The following AGMO variants were observed in gnomAD, a reference collection of about 807,000 sequenced individuals.
The protein encoded by AGMO is glyceryl-ether monooxygenase.
A neutral mutation model predicts 60.2 loss-of-function variants in AGMO; 75 were observed. The observed-to-expected ratio is 1.25, with a 90% CI of 1.03 to 1.51. The LOEUF is 1.51. AGMO is among the 40% of genes most tolerant of loss of function. The probability of loss-of-function intolerance (pLI) is 0.00; values close to 1 mark genes in which losing one functional copy is unlikely to be tolerated. For missense variants in AGMO, 763 were observed against 525.5 expected (o/e 1.45, Z -4.42); for synonymous variants, 261 against 177.1 (o/e 1.47, Z -3.76).
chr7:15,164,283 A>T, the AGMO span, among the ~76,000 whole-genome samples: 20 of 152,248 alleles, frequency 1.3e-4, no homozygotes, highest in African/African-American at 4.8e-4. Flanking sequence ...CTGAAACTAT[A>T]AAAATCCTAG....
At chr7:15,504,604 G>A (rs536637541) in intron 3 of AGMO, among the ~76,000 whole-genome samples, 30 of 151,918 alleles carry the variant, frequency 2.0e-4, no homozygotes, top group African/African-American at 7.0e-4. Flanking sequence ...ATGAACTTCC[G>A]GAGGAATTGC....
intron 12 of AGMO, among the ~76,000 whole-genome samples, chr7:15,296,523 C>T (rs1398220791): frequency 6.6e-6 from 1 of 152,098 alleles, no homozygotes; most frequent in Non-Finnish European, 1.5e-5. Flanking sequence ...CAAGAGAAGA[C>T]AGCCACTCTT....
the AGMO span, among the ~76,000 whole-genome samples, chr7:15,131,053 C>CTGTGTG: frequency 4.0e-5 from 6 of 149,768 alleles, no homozygotes; most frequent in African/African-American, 1.5e-4. Flanking sequence ...GCTTGTATTT[C>CTGTGTG]TGTGTGTGTG....
intron 12 of AGMO, among the ~76,000 whole-genome samples, chr7:15,264,944 G>A (rs910319803): frequency 6.6e-6 from 1 of 151,878 alleles, no homozygotes; most frequent in African/African-American, 2.4e-5. Context: ...TATACTCAAA[G>A]GAGAATAATT....
Position 15,418,660 on chromosome 7 carries a change from G to A in AGMO, c.514-7C>T. The A allele has an allele frequency of 5.3e-6, 8 of 1,516,282 alleles. No individual in the cohort carries two copies. The highest frequency in any genetic ancestry group is 2.0e-4 in the Middle Eastern group (1 of 4,914). The allele number at this position is 1,516,282 out of a possible 1,614,324, so 93.9% of individuals were successfully genotyped here. A position where few individuals can be genotyped will look rare whatever the true frequency, so the allele number is the denominator to read the frequency against. ...CCAGGGGAGAGTAGAAAATCTGAAA[G>A]AAAAAATTAAAAAAAAATTAATTTG... On this transcript the variant is annotated splice_polypyrimidine_tract_variant and splice_region_variant and intron_variant, in intron 4 of 12. Coordinates refer to ENST00000342526, the MANE Select transcript of AGMO (RefSeq NM_001004320.2).
In AGMO at chr7:15,359,020, A is replaced by G. The variant is rs532885345; in HGVS notation, c.1263+6494T>C. 2.8e-3 allele frequency among the ~76,000 whole-genome samples: 432 copies of G among 152,216 alleles called. 2 individuals carry two copies. Among genetic ancestry groups the G allele is most frequent in the Admixed American group, 6.5e-3 (99 of 15,296 alleles). Reference sequence around the variant, plus strand: ...TTATTTTCAGATATGGAGTTTTATAAATTAATTAGATTTAATCCCAGCACT... The same window carrying G: ...TTATTTTCAGATATGGAGTTTTATAGATTAATTAGATTTAATCCCAGCACT... On this transcript the variant is annotated intron_variant, in intron 12 of 12. Coordinates refer to ENST00000342526, the MANE Select transcript of AGMO (RefSeq NM_001004320.2).
chr7:15,350,272 C>T (rs35932556), intron 12 of AGMO, among the ~76,000 whole-genome samples: 26,296 of 151,948 alleles, frequency 0.17, 2,306 homozygotes, highest in East Asian at 0.21. Flanking sequence ...TACATTAAAT[C>T]AAATAAAATT....
At chr7:15,247,447 C>CAGAGAG (rs1264804426) in intron 12 of AGMO, among the ~76,000 whole-genome samples, 1 of 136,538 alleles carries the variant, frequency 7.3e-6, no homozygotes, top group African/African-American at 2.9e-5. Flanking sequence ...CACACACACA[C>CAGAGAG]ACACACACAC....
At chr7:15,185,084 T>C in the AGMO span, among the ~76,000 whole-genome samples, 1 of 152,166 alleles carries the variant, frequency 6.6e-6, no homozygotes, top group South Asian at 2.1e-4. Flanking sequence ...TTTCAGAATA[T>C]AAAGAAAAAA....
At chr7:15,165,126 T>C in the AGMO span, among the ~76,000 whole-genome samples, 3 of 152,072 alleles carry the variant, frequency 2.0e-5, no homozygotes, top group Non-Finnish European at 4.4e-5. Context: ...AGTGAAATAA[T>C]TCAAGATATA....
At chr7:15,255,448 AT>A (rs1475432820) in intron 12 of AGMO, among the ~76,000 whole-genome samples, 3 of 151,178 alleles carry the variant, frequency 2.0e-5, no homozygotes, top group Non-Finnish European at 4.4e-5. Flanking sequence ...TTTACAAACT[AT>A]TTCAAAAAAA....
chr7:15,493,356 C>CAT (rs1368535592), intron 3 of AGMO, among the ~76,000 whole-genome samples: 1 of 95,186 alleles, frequency 1.1e-5, no homozygotes, highest in Non-Finnish European at 2.1e-5. Context: ...CACACACACA[C>CAT]ACACACTTCT....
At chr7:15,369,489 T>C (rs993506966) in intron 10 of AGMO, among the ~76,000 whole-genome samples, 1 of 152,098 alleles carries the variant, frequency 6.6e-6, no homozygotes, top group African/African-American at 2.4e-5. Flanking sequence ...CCCACTCAAG[T>C]CTGTTTCACC....
chr7:15,354,454 ATACACACGTGTGTG>A lies in AGMO; in HGVS notation c.1263+11046_1263+11059del, dbSNP rs1563105720. ...CGTGTGTGTATACACACGTGTGTGT[ATACACACGTGTGTG>A]TATACACACGTGTGTATATACACAC... On this transcript the variant is annotated intron_variant, in intron 12 of 12. Coordinates refer to ENST00000342526, the MANE Select transcript of AGMO (RefSeq NM_001004320.2). 1.6e-3 allele frequency among the ~76,000 whole-genome samples: 33 copies of A among 20,282 alleles called. 1 individual carries two copies. Among genetic ancestry groups the A allele is most frequent in the Admixed American group, 3.7e-3 (6 of 1,620 alleles). The allele number at this position is 20,282 out of a possible 152,430, so 13.3% of individuals were successfully genotyped here. A position where few individuals can be genotyped will look rare whatever the true frequency, so the allele number is the denominator to read the frequency against.
At chr7:15,459,213 G>A (rs559967004) in intron 3 of AGMO, among the ~76,000 whole-genome samples, 1 of 152,074 alleles carries the variant, frequency 6.6e-6, no homozygotes, top group Admixed American at 6.6e-5. Flanking sequence ...ATTTAGTTAA[G>A]CCAATTCAAA....
At chr7:15,314,960 C>A (rs988305093) in intron 12 of AGMO, among the ~76,000 whole-genome samples, 3 of 152,070 alleles carry the variant, frequency 2.0e-5, no homozygotes, top group Admixed American at 2.0e-4. Flanking sequence ...TCTGTAGGGA[C>A]CCCAATGTAA....
At chr7:15,335,720 G>A (rs28446098) in intron 12 of AGMO, among the ~76,000 whole-genome samples, 5,141 of 152,222 alleles carry the variant, frequency 0.034, 286 homozygotes, top group African/African-American at 0.12. Context: ...TATAGCATGT[G>A]TAGATAAATA....
At chr7:15,121,130 T>C in the AGMO span, among the ~76,000 whole-genome samples, 3 of 152,296 alleles carry the variant, frequency 2.0e-5, no homozygotes, top group African/African-American at 4.8e-5. Flanking sequence ...GCTTCATCCA[T>C]GTCCCTGCAA....
the AGMO span, among the ~76,000 whole-genome samples, chr7:15,157,771 C>A: frequency 5.3e-5 from 8 of 152,216 alleles, no homozygotes; most frequent in African/African-American, 1.9e-4. Context: ...TTTCTCTGTA[C>A]TTCTCACAAT....
Sources: allele counts gnomAD v4.1 joint callset (sites outside exome capture counted in the v4.1 genomes callset), GRCh38; gene constraint gnomAD v4.1.1; transcripts MANE v1.5; gene names NCBI Gene and HGNC (gene_info 2026-07-23, HGNC 2026-07-21).